IGF1R: variants seen among roughly 807,000 people sequenced by gnomAD.
IGF1R encodes the protein insulin like growth factor 1 receptor.
A neutral mutation model predicts 144.6 loss-of-function variants in IGF1R; 44 were observed. That is an observed-to-expected ratio of 0.30 (90% CI 0.24 to 0.39). The LOEUF (loss-of-function observed/expected upper bound fraction) is 0.39. IGF1R is among the 10% of genes least tolerant of loss of function. The pLI is 1.00. For missense variants in IGF1R, 1,355 were observed against 1,833.7 expected (o/e 0.74, Z 4.77); for synonymous variants, 795 against 722.8 (o/e 1.10, Z -1.60).
At chr15:98,913,359 T>C in intron 8 of IGF1R, 77 bp downstream of exon 8, 1 of 1,138,894 alleles carries the variant, frequency 8.8e-7, no homozygotes, top group Non-Finnish European at 1.3e-6. Context: ...CAGGTGTCAT[T>C]GTAGGGTTAG....
At chr15:98,727,685 G>C (rs2054393706) in intron 2 of IGF1R, among the ~76,000 whole-genome samples, 2 of 152,224 alleles carry the variant, frequency 1.3e-5, no homozygotes, top group African/African-American at 4.8e-5. Context: ...GCAGAGAGCA[G>C]GTCTTCTTCT....
At position 98,963,537 on chromosome 15, in the gene IGF1R, C is replaced by T. The variant is rs139748785; in HGVS notation, c.*6095C>T. ...GAGCCCAGCAGTGCATGGCACCGTT[C>T]GGCATCTGGCTTGATTGGTCTGGCT... On this transcript the variant is annotated 3_prime_UTR_variant, in exon 21 of 21. Transcript: ENST00000650285. 52 of 233,218 alleles carry T rather than the reference C, an allele frequency of 2.2e-4. No homozygotes were observed. The highest frequency in any genetic ancestry group is 9.5e-4 in the African/African-American group (43 of 45,438). The allele number at this position is 233,218 out of a possible 1,614,324, so 14.4% of individuals were successfully genotyped here. A position where few individuals can be genotyped will look rare whatever the true frequency, so the allele number is the denominator to read the frequency against.
chr15:98,680,468 G>A (rs989737841), intron 1 of IGF1R, among the ~76,000 whole-genome samples: 12 of 151,734 alleles, frequency 7.9e-5, no homozygotes, highest in African/African-American at 2.7e-4. Flanking sequence ...GCGTTGCACC[G>A]TGTTAGCCAG....
chr15:98,679,491 A>G (rs1178229330), intron 1 of IGF1R, among the ~76,000 whole-genome samples: 1 of 152,218 alleles, frequency 6.6e-6, no homozygotes, highest in African/African-American at 2.4e-5. Flanking sequence ...AATGGGGCTG[A>G]AAACAGTGCT....
intron 1 of IGF1R, among the ~76,000 whole-genome samples, chr15:98,663,443 T>A (rs1297493378): frequency 1.3e-5 from 2 of 152,210 alleles, no homozygotes; most frequent in African/African-American, 4.8e-5. Context: ...AATAGCTGGA[T>A]GTTAGAAAAG....
rs1596136889 is a variant in IGF1R at position 98,649,144 on chromosome 15, C to T, written c.-438C>T. On this transcript the variant is annotated 5_prime_UTR_variant, in exon 1 of 21. Coordinates refer to ENST00000650285, the MANE Select transcript of IGF1R (RefSeq NM_000875.5). ...GGCGATCTTGCGAACTGCGTCGCGC[C>T]CTCCCGCGGCGGAAGCTCGGGCGTC... The T allele has an allele frequency of 1.4e-5, 3 of 219,222 alleles. No homozygotes were observed. In the East Asian group the frequency reaches 1.9e-4, roughly 14 times the overall value. The allele number at this position is 219,222 out of a possible 1,614,324, so 13.6% of individuals were successfully genotyped here.
At chr15:98,779,203 T>G (rs532958048) in intron 2 of IGF1R, among the ~76,000 whole-genome samples, 3 of 152,172 alleles carry the variant, frequency 2.0e-5, no homozygotes, top group African/African-American at 7.2e-5. Flanking sequence ...TTCTGGAAAT[T>G]CCCAAGAGAA....
intron 2 of IGF1R, among the ~76,000 whole-genome samples, chr15:98,733,020 A>G (rs781374959): frequency 1.3e-5 from 2 of 152,098 alleles, no homozygotes; most frequent in African/African-American, 2.4e-5. Flanking sequence ...TCAAGGATAC[A>G]TGTTTGTCTT....
chr15:98,845,520 C>T (rs77316211), intron 2 of IGF1R, among the ~76,000 whole-genome samples: 1,658 of 137,734 alleles, frequency 0.012, 42 homozygotes, highest in African/African-American at 0.043. Context: ...CTCCTCCTTC[C>T]TCCTCCCCCT....
intron 1 of IGF1R, among the ~76,000 whole-genome samples, chr15:98,650,066 C>T (rs1304023898): frequency 6.8e-6 from 1 of 146,688 alleles, no homozygotes; most frequent in Non-Finnish European, 1.5e-5. Context: ...CCGCACACAG[C>T]GCTGATCCCC....
At chr15:98,805,004 G>A (rs2056442076) in intron 2 of IGF1R, among the ~76,000 whole-genome samples, 1 of 152,182 alleles carries the variant, frequency 6.6e-6, no homozygotes, top group Non-Finnish European at 1.5e-5. Context: ...CCGCTGCAGA[G>A]AATTTTTAAA....
intron 2 of IGF1R, among the ~76,000 whole-genome samples, chr15:98,763,757 C>CAG (rs1226796039): frequency 1.3e-5 from 2 of 152,192 alleles, no homozygotes; most frequent in East Asian, 3.9e-4. Flanking sequence ...GAAAGTCGTT[C>CAG]AGAGACTCCT....
intron 1 of IGF1R, among the ~76,000 whole-genome samples, chr15:98,701,542 G>A (rs146155548): frequency 0.062 from 9,457 of 151,794 alleles, 332 homozygotes; most frequent in Middle Eastern, 0.12. Flanking sequence ...GGGTTTCACC[G>A]TGTTAGCCAG....
intron 1 of IGF1R, among the ~76,000 whole-genome samples, chr15:98,678,958 C>G (rs920614919): frequency 5.2e-5 from 7 of 134,986 alleles, no homozygotes; most frequent in Non-Finnish European, 9.2e-5. Flanking sequence ...GGATCTCGCT[C>G]TTGTCCCAGA....
At chr15:98,901,110 C>T (rs1419448261) in intron 5 of IGF1R, among the ~76,000 whole-genome samples, 2 of 152,164 alleles carry the variant, frequency 1.3e-5, no homozygotes, top group Non-Finnish European at 2.9e-5. Context: ...TGATGTCTTT[C>T]TCATTATCTG....
intron 12 of IGF1R, 24 bp downstream of exon 12, chr15:98,924,036 G>A: frequency 6.2e-7 from 1 of 1,610,784 alleles, no homozygotes. Flanking sequence ...AGTGGCCCGT[G>A]CCTGCATGTA....
In IGF1R at chr15:98,908,670, T is replaced by G. The variant is rs766867007; in HGVS notation, c.1248-15T>G. 1 of 1,611,552 alleles carries G rather than the reference T, an allele frequency of 6.2e-7. No individual in the cohort carries two copies. Among genetic ancestry groups the G allele is most frequent in the Non-Finnish European group, 8.5e-7 (1 of 1,178,306 alleles). ...CCAAGGGCAGGTGCGCTAACATCGA[T>G]TTCTGTGCTTCTAGGAATTACTCCT... is the stretch of plus-strand genomic sequence containing the variant. On this transcript the variant is annotated splice_polypyrimidine_tract_variant and intron_variant, in intron 5 of 20. Transcript: ENST00000650285.
chr15:98,928,896 C>T (rs1316089642), intron 13 of IGF1R, among the ~76,000 whole-genome samples: 2 of 152,052 alleles, frequency 1.3e-5, no homozygotes, highest in African/African-American at 2.4e-5. Flanking sequence ...GAAAGGGGTG[C>T]CGTCCAGTGT....
In IGF1R at chr15:98,868,327, CA is replaced by C. The variant is rs55905905; in HGVS notation, c.641-22981del. On this transcript the variant is annotated intron_variant, in intron 2 of 20. Transcript: ENST00000650285. The stretch of plus-strand genomic sequence containing the variant: ...GGACAACAGAGTAAGACCTTGTCTC[CA>C]AAAAAAAAAAAAAAAAGCCAAATCT... Among the ~76,000 whole-genome samples, 70 of 49,866 alleles carry C rather than the reference CA, an allele frequency of 1.4e-3. 1 individual carries two copies. The highest frequency in any genetic ancestry group is 3.0e-3 in the African/African-American group (43 of 14,258). The allele number at this position is 49,866 out of a possible 152,430, so 32.7% of individuals were successfully genotyped here. A position where few individuals can be genotyped will look rare whatever the true frequency, so the allele number is the denominator to read the frequency against.
Sources: allele counts gnomAD v4.1 joint callset (sites outside exome capture counted in the v4.1 genomes callset), GRCh38; gene constraint gnomAD v4.1.1; transcripts MANE v1.5; gene names NCBI Gene and HGNC (gene_info 2026-07-23, HGNC 2026-07-21).